CDH12: variants seen among roughly 807,000 people sequenced by gnomAD.
The protein encoded by CDH12 is cadherin-12.
A neutral mutation model predicts 74.1 loss-of-function variants in CDH12; 41 were observed. That is an observed-to-expected ratio of 0.55 (90% CI 0.43 to 0.72). CDH12 has a LOEUF of 0.72. Among genes scored for constraint, CDH12 ranks in the 30% least tolerant of loss-of-function variants. The pLI, the probability that CDH12 is intolerant of heterozygous loss-of-function variation, is 0.00. For synonymous variants in CDH12, 399 were observed against 355.0 expected, an observed-to-expected ratio of 1.12 and a Z score of -1.39; for missense variants, 945 against 977.2, an observed-to-expected ratio of 0.97 and a Z score of 0.44.
chr5:22,707,961 G>A (rs936066625), intron 1 of CDH12, among the ~76,000 whole-genome samples: 15 of 151,974 alleles, frequency 9.9e-5, no homozygotes, highest in East Asian at 3.9e-4. Flanking sequence ...GTTTCTAATC[G>A]GCTCTATAAC....
chr5:22,434,101 A>G (rs1324371181), intron 2 of CDH12, among the ~76,000 whole-genome samples: 1 of 152,148 alleles, frequency 6.6e-6, no homozygotes, highest in Non-Finnish European at 1.5e-5. Flanking sequence ...TCAAAGAAAG[A>G]GTGAGATGTG....
intron 1 of CDH12, among the ~76,000 whole-genome samples, chr5:22,827,331 C>T (rs1382926888): frequency 1.3e-5 from 2 of 152,230 alleles, no homozygotes; most frequent in Non-Finnish European, 2.9e-5. Flanking sequence ...AATAGTACAC[C>T]TGGCATTAAT....
chr5:21,975,448 A>G (rs1220437209), intron 5 of CDH12, 63 bp from the exon 6 acceptor site: 1 of 1,170,878 alleles, frequency 8.5e-7, no homozygotes, highest in Non-Finnish European at 1.2e-6. Context: ...GAACACCATT[A>G]AAAGGATGTG....
chr5:22,532,375 ATATG>A lies in CDH12; in HGVS notation c.-522-27015_-522-27012del, dbSNP rs1554047743. On this transcript the variant is annotated intron_variant, in intron 1 of 14. Coordinates refer to ENST00000382254, the MANE Select transcript of CDH12 (RefSeq NM_004061.5). ...GATATATATATATATATATATATAT[ATATG>A]TATGTATCCTATTTTGCTCCTATCC... Among the ~76,000 whole-genome samples, 113 of 75,846 alleles carry A rather than the reference ATATG, an allele frequency of 1.5e-3. 6 individuals are homozygous for A. The highest frequency in any genetic ancestry group is 5.0e-3 in the African/African-American group (111 of 22,018). The allele number at this position is 75,846 out of a possible 152,430, so 49.8% of individuals were successfully genotyped here. A position where few individuals can be genotyped will look rare whatever the true frequency, so the allele number is the denominator to read the frequency against.
intron 3 of CDH12, among the ~76,000 whole-genome samples, chr5:22,335,537 G>C (rs1432662568): frequency 6.6e-6 from 1 of 151,798 alleles, no homozygotes; most frequent in Non-Finnish European, 1.5e-5. Context: ...GTGAGCTGAG[G>C]TGGCAACACT....
At chr5:22,438,844 T>A (rs2126537252) in intron 2 of CDH12, among the ~76,000 whole-genome samples, 1 of 151,870 alleles carries the variant, frequency 6.6e-6, no homozygotes, top group African/African-American at 2.4e-5. Flanking sequence ...TTTATTAATC[T>A]ATAAAAAATT....
chr5:21,862,345 A>C (rs1751086387), intron 6 of CDH12, among the ~76,000 whole-genome samples: 1 of 152,140 alleles, frequency 6.6e-6, no homozygotes, highest in African/African-American at 2.4e-5. Context: ...AAATTTTAAG[A>C]ATCATCTGGC....
chr5:22,384,360 TA>T (rs1282504338), intron 3 of CDH12, among the ~76,000 whole-genome samples: 7 of 149,970 alleles, frequency 4.7e-5, no homozygotes, highest in Non-Finnish European at 7.4e-5. Flanking sequence ...CCGTCTCTAC[TA>T]AAAATACAAA....
chr5:21,990,001 G>A (rs1580075798), intron 5 of CDH12, among the ~76,000 whole-genome samples: 5 of 152,092 alleles, frequency 3.3e-5, no homozygotes, highest in Admixed American at 2.6e-4. Context: ...TCTTTCTCTG[G>A]CTGATGTACA....
At chr5:22,014,285 G>A (rs759242892) in intron 5 of CDH12, among the ~76,000 whole-genome samples, 20 of 152,044 alleles carry the variant, frequency 1.3e-4, no homozygotes, top group Non-Finnish European at 2.5e-4. Context: ...GAAGAGATTT[G>A]ATCTTATAAT....
chr5:22,637,778 T>G lies in CDH12; in HGVS notation c.-522-132414A>C, dbSNP rs145119404. Among the ~76,000 whole-genome samples, 388 of 152,316 alleles carry G rather than the reference T, an allele frequency of 2.5e-3. 2 individuals carry two copies. Among genetic ancestry groups the G allele is most frequent in the African/African-American group, 8.7e-3 (363 of 41,562 alleles). On this transcript the variant is annotated intron_variant, in intron 1 of 14. Transcript: ENST00000382254. ...GCATATTGAGTGTATCAATGAAAAT[T>G]TATTCCTCTTTGGTCAGTTACTATG...
intron 1 of CDH12, among the ~76,000 whole-genome samples, chr5:22,518,700 C>A (rs780102663): frequency 1.3e-5 from 2 of 152,154 alleles, no homozygotes; most frequent in Non-Finnish European, 1.5e-5. Context: ...TTATCTCTGA[C>A]TTCCACACCC....
intron 1 of CDH12, among the ~76,000 whole-genome samples, chr5:22,625,226 A>C (rs1738222792): frequency 6.6e-6 from 1 of 152,178 alleles, no homozygotes; most frequent in African/African-American, 2.4e-5. Context: ...GAGTTTATGC[A>C]GGACACCAAC....
chr5:21,804,625 C>A (rs1474482758), intron 9 of CDH12, among the ~76,000 whole-genome samples: 1 of 139,838 alleles, frequency 7.2e-6, no homozygotes, highest in Admixed American at 7.5e-5. Flanking sequence ...TAAATAAAAT[C>A]ATTCTATAGT....
chr5:22,193,793 G>T lies in CDH12; in HGVS notation c.-187+18705C>A, dbSNP rs569665028. ...TCAGACTCCACTGTACTCTTTCACT[G>T]CAGTAGAGAATATAGTAAGAACTTG... On this transcript the variant is annotated intron_variant, in intron 4 of 14. Transcript: ENST00000382254. Among the ~76,000 whole-genome samples, 14 of 151,984 alleles carry T rather than the reference G, an allele frequency of 9.2e-5. No homozygotes were observed. In the South Asian group the frequency reaches 2.5e-3, roughly 27 times the overall value.
intron 1 of CDH12, among the ~76,000 whole-genome samples, chr5:22,612,247 G>C (rs1179032964): frequency 6.6e-6 from 1 of 152,020 alleles, no homozygotes; most frequent in East Asian, 1.9e-4. Flanking sequence ...AAAAAATAAT[G>C]CTCATCATTT....
At chr5:22,709,809 A>G (rs896420887) in intron 1 of CDH12, among the ~76,000 whole-genome samples, 7 of 152,292 alleles carry the variant, frequency 4.6e-5, no homozygotes, top group African/African-American at 1.7e-4. Context: ...GATTGAACCT[A>G]TGGTACAGAC....
intron 3 of CDH12, among the ~76,000 whole-genome samples, chr5:22,364,628 T>A (rs1740956207): frequency 6.6e-6 from 1 of 152,118 alleles, no homozygotes; most frequent in Non-Finnish European, 1.5e-5. Flanking sequence ...TGGAAAAAAA[T>A]TTGACTCAGG....
intron 6 of CDH12, among the ~76,000 whole-genome samples, chr5:21,932,885 C>T (rs1048802830): frequency 2.7e-5 from 4 of 150,030 alleles, no homozygotes; most frequent in African/African-American, 9.8e-5. Context: ...ATGTACATTG[C>T]CATCATGTCA....
Sources: gnomAD v4.1 joint callset for allele counts (sites outside exome capture counted in the v4.1 genomes callset) on GRCh38, gnomAD v4.1.1 for gene constraint, MANE v1.5 for transcripts, NCBI Gene and HGNC (gene_info 2026-07-23, HGNC 2026-07-21) for gene names.